RXRA: variants seen among roughly 807,000 people sequenced by gnomAD.
RXRA encodes retinoic acid receptor RXR-alpha.
A neutral mutation model predicts 44.5 loss-of-function variants in RXRA; 5 were observed. The observed-to-expected ratio is 0.11, with a 90% CI of 0.06 to 0.24. The LOEUF (loss-of-function observed/expected upper bound fraction) is 0.24, where lower values mean the gene tolerates loss of function less well. Ranked by LOEUF, RXRA falls within the 10% of genes least tolerant of loss-of-function variation. The pLI, the probability that RXRA is intolerant of heterozygous loss-of-function variation, is 1.00. For synonymous variants in RXRA, 291 were observed against 271.4 expected (o/e 1.07, Z -0.71); for missense variants, 412 against 646.5 (o/e 0.64, Z 3.93).
At position 134,408,257 on chromosome 9, in the gene RXRA, T is replaced by C; in HGVS notation, c.388T>C (p.Phe130Leu). The C allele has an allele frequency of 1.2e-6, 2 of 1,612,114 alleles. No individual in the cohort carries two copies. The highest frequency in any genetic ancestry group is 2.2e-5 in the East Asian group (1 of 44,788). The change falls in exon 3 of 10, where the codon TTC (phenylalanine) becomes CTC (leucine). Residue 130 changes from phenylalanine to leucine, a missense_variant. Phe to Leu is a conservative substitution (Grantham distance 22). Around this residue, in one of 4 missense-constraint regions of RXRA, gnomAD observed 156 missense variants for 177.2 expected, o/e 0.88. Coordinates refer to ENST00000481739, the MANE Select transcript of RXRA (RefSeq NM_002957.6). ...PAHPSGNMAS[F>L]TKHICAICGD... Reference sequence around the variant, plus strand: ...CCACCCCTCAGGAAACATGGCTTCCTTCACCAAGCACATCTGCGCCATCTG... The same window carrying C: ...CCACCCCTCAGGAAACATGGCTTCCCTCACCAAGCACATCTGCGCCATCTG...
chr9:134,398,324 T>C (rs1165354265), intron 1 of RXRA, among the ~76,000 whole-genome samples: 4 of 151,958 alleles, frequency 2.6e-5, no homozygotes, highest in Non-Finnish European at 5.9e-5. Flanking sequence ...TAGCCACCAC[T>C]TAATCAGGGG....
chr9:134,414,012 C>T (rs1831193647), intron 4 of RXRA, among the ~76,000 whole-genome samples: 1 of 152,192 alleles, frequency 6.6e-6, no homozygotes, highest in South Asian at 2.1e-4. Context: ...ACACCTCCCG[C>T]CCGGCCTCCG....
chr9:134,393,237 CAG>C (rs151159191), intron 1 of RXRA, among the ~76,000 whole-genome samples: 5,035 of 152,262 alleles, frequency 0.033, 188 homozygotes, highest in South Asian at 0.11. Context: ...GGGGCACACA[CAG>C]GGTGGTGAAG....
At chr9:134,424,832 G>A in intron 6 of RXRA, 1 of 985,472 alleles carries the variant, frequency 1.0e-6, no homozygotes, top group Non-Finnish European at 1.2e-6. Flanking sequence ...AGCCTGACTG[G>A]GGACCAGGGG....
chr9:134,415,191 G>C (rs1268115625), intron 4 of RXRA, among the ~76,000 whole-genome samples: 1 of 152,216 alleles, frequency 6.6e-6, no homozygotes. Flanking sequence ...CAAGCCAGTG[G>C]GCCATGCAGG....
At position 134,408,280 on chromosome 9, in the gene RXRA, C is replaced by A; in HGVS notation, c.411C>A (p.Ile137=). The A allele has an allele frequency of 1.9e-6, 3 of 1,608,542 alleles. No individual in the cohort carries two copies. The highest frequency in any genetic ancestry group is 2.5e-6 in the Non-Finnish European group (3 of 1,177,898). ...CCTTCACCAAGCACATCTGCGCCAT[C>A]TGCGGGGACCGCTCCTCAGGTACCG... is the stretch of plus-strand genomic sequence containing the variant. The part of the protein sequence containing the change: ...MASFTKHICA[I]CGDRSSGKHY... The change falls in exon 3 of 10, where the codon ATC becomes ATA. Residue 137 remains isoleucine (I), a synonymous_variant. Coordinates refer to ENST00000481739, the MANE Select transcript of RXRA (RefSeq NM_002957.6).
intron 1 of RXRA, among the ~76,000 whole-genome samples, chr9:134,381,011 G>A (rs1015535151): frequency 6.6e-6 from 1 of 152,216 alleles, no homozygotes; most frequent in African/African-American, 2.4e-5. Context: ...GCAGGGCCCA[G>A]TCAGAGACTG....
intron 1 of RXRA, among the ~76,000 whole-genome samples, chr9:134,367,664 C>A (rs1830431384): frequency 1.3e-5 from 2 of 152,236 alleles, no homozygotes; most frequent in Non-Finnish European, 2.9e-5. Flanking sequence ...GGGGCCTCAA[C>A]TTGCCTGCCT....
In RXRA at chr9:134,332,933, TTA is replaced by T. The variant is rs1835028408; in HGVS notation, c.28+6275_28+6276del. ...GGATTCCTAGCATCTTCCTGGGGGC[TTA>T]GGCCAGGTCCCTGGGCTGGCCTGGG... On this transcript the variant is annotated intron_variant, in intron 1 of 9. Coordinates refer to ENST00000481739, the MANE Select transcript of RXRA (RefSeq NM_002957.6). 3.9e-5 allele frequency among the ~76,000 whole-genome samples: 6 copies of T among 152,062 alleles called. No homozygotes were observed. The East Asian group carries it at 9.7e-4, about 25-fold the overall frequency.
intron 9 of RXRA, among the ~76,000 whole-genome samples, 175 bp downstream of exon 9, chr9:134,434,382 G>A (rs569208250): frequency 1.3e-5 from 2 of 152,108 alleles, no homozygotes; most frequent in East Asian, 1.9e-4. Context: ...GGGCTGTGGC[G>A]GGCACACCCC....
chr9:134,435,759 T>A (rs1385055486), intron 9 of RXRA, among the ~76,000 whole-genome samples: 1 of 152,150 alleles, frequency 6.6e-6, no homozygotes, highest in African/African-American at 2.4e-5. Context: ...GACTCACCAG[T>A]GTGCTCAGCA....
chr9:134,439,527 T>G lies in RXRA; in HGVS notation c.*2913T>G, dbSNP rs1461881083. Reference sequence around the variant, plus strand: ...CCTCTGGGAAGGACAGCCCTGACCTTCGGTTTTCCGAGCACGGTGTTTCCC... The same window carrying G: ...CCTCTGGGAAGGACAGCCCTGACCTGCGGTTTTCCGAGCACGGTGTTTCCC... On this transcript the variant is annotated 3_prime_UTR_variant, in exon 10 of 10. Transcript: ENST00000481739. 2.0e-5 allele frequency: 3 copies of G among 152,316 alleles called. No homozygotes were observed. The highest frequency in any genetic ancestry group is 4.4e-5 in the Non-Finnish European group (3 of 68,096). 9.4% of individuals were successfully genotyped at this position (152,316 alleles called of 1,614,324 possible). A position where few individuals can be genotyped will look rare whatever the true frequency, so the allele number is the denominator to read the frequency against.
intron 6 of RXRA, chr9:134,424,797 G>A: frequency 1.0e-6 from 1 of 985,468 alleles, no homozygotes; most frequent in Non-Finnish European, 1.2e-6. Flanking sequence ...CCCTCCAGGG[G>A]GCTCAGGTCA....
In RXRA at chr9:134,433,339, G is replaced by C. The variant is rs932762669; in HGVS notation, c.1136-763G>C. Among the ~76,000 whole-genome samples, 5 of 152,110 alleles carry C rather than the reference G, an allele frequency of 3.3e-5. No homozygotes were observed. Among genetic ancestry groups the C allele is most frequent in the African/African-American group, 1.2e-4 (5 of 41,420 alleles). ...GGGCACCGGCTTGCAGGGAGGGTGA[G>C]ATTGTCTGGCACAAGCAGGGTCCAG... On this transcript the variant is annotated intron_variant, in intron 8 of 9. Coordinates refer to ENST00000481739, the MANE Select transcript of RXRA (RefSeq NM_002957.6). The surrounding 1 kb of genome is among the most constrained non-coding windows in gnomAD (Gnocchi z 4.2).
At chr9:134,367,332 G>C (rs1830426986) in intron 1 of RXRA, among the ~76,000 whole-genome samples, 1 of 152,186 alleles carries the variant, frequency 6.6e-6, no homozygotes, top group Non-Finnish European at 1.5e-5. Flanking sequence ...TGCGGTGGGG[G>C]GGAGGGTGGT....
At chr9:134,405,607 C>T (rs1182081318) in intron 2 of RXRA, 1 of 152,324 alleles carries the variant, frequency 6.6e-6, no homozygotes, top group Non-Finnish European at 1.5e-5. Context: ...GGCCGGGAGG[C>T]AGCAGGTGGA....
intron 1 of RXRA, among the ~76,000 whole-genome samples, chr9:134,354,442 G>T (rs1048213525): frequency 1.3e-5 from 2 of 152,220 alleles, no homozygotes; most frequent in Non-Finnish European, 2.9e-5. Flanking sequence ...GAACTCACCC[G>T]GGTTGGAGCC....
chr9:134,390,802 C>T (rs992681385), intron 1 of RXRA, among the ~76,000 whole-genome samples: 3 of 152,238 alleles, frequency 2.0e-5, no homozygotes, highest in Admixed American at 6.5e-5. Flanking sequence ...GCAGATGCCC[C>T]GCCAGTCAGG....
At chr9:134,400,836 C>T (rs35705855) in intron 1 of RXRA, among the ~76,000 whole-genome samples, 1 of 152,300 alleles carries the variant, frequency 6.6e-6, no homozygotes, top group East Asian at 1.9e-4. Context: ...CACCCAGCAG[C>T]GTCCAGCCCA....
Sources: allele counts gnomAD v4.1 joint callset (sites outside exome capture counted in the v4.1 genomes callset), GRCh38; gene constraint gnomAD v4.1.1; regional missense constraint gnomAD v4.1.1; non-coding constraint Gnocchi (gnomAD v3.1); transcripts MANE v1.5; gene names NCBI Gene and HGNC (gene_info 2026-07-23, HGNC 2026-07-21).